The following PACC1 variants were observed in gnomAD, a reference collection of about 807,000 sequenced individuals.
PACC1 encodes the protein proton activated chloride channel 1.
Under a neutral mutation model 39.7 loss-of-function variants are expected in PACC1, and 34 were observed. The ratio of observed to expected loss-of-function variants is 0.86; its 90% CI spans 0.65 to 1.14. PACC1 has a LOEUF of 1.14. PACC1 is among the 50% of genes most tolerant of loss of function. The pLI, the probability that PACC1 is intolerant of heterozygous loss-of-function variation, is 0.00. For synonymous variants in PACC1, 127 were observed against 160.6 expected, an observed-to-expected ratio of 0.79 and a Z score of 1.58; for missense variants, 379 against 436.4, an observed-to-expected ratio of 0.87 and a Z score of 1.17.
intron 4 of PACC1, among the ~76,000 whole-genome samples, chr1:212,382,693 A>G (rs1558170212): frequency 6.6e-6 from 1 of 152,236 alleles, no homozygotes; most frequent in South Asian, 2.1e-4. Context: ...GCAGGTAAGA[A>G]GCCGCCCTCC....
At chr1:212,407,586 C>T (rs939084970) in intron 2 of PACC1, among the ~76,000 whole-genome samples, 1 of 152,234 alleles carries the variant, frequency 6.6e-6, no homozygotes, top group African/African-American at 2.4e-5. Flanking sequence ...AGCCGTGCTA[C>T]TATCTTTTAC....
chr1:212,410,526 A>C lies in PACC1; in HGVS notation c.37-5T>G, dbSNP rs1318895170. The C allele has an allele frequency of 6.2e-7, 1 of 1,613,862 alleles. No individual in the cohort carries two copies. Among genetic ancestry groups the C allele is most frequent in the Non-Finnish European group, 8.5e-7 (1 of 1,179,732 alleles). The stretch of plus-strand genomic sequence containing the variant: ...CTGGACCAACTCCTCACTCAGCTAA[A>C]GGGAGAAGCAAAGAGAGCAAAGACA... On this transcript the variant is annotated splice_region_variant and splice_polypyrimidine_tract_variant and intron_variant, in intron 1 of 7. Transcript: ENST00000261455.
At chr1:212,366,341 G>A (rs1048479928) in intron 7 of PACC1, among the ~76,000 whole-genome samples, 3 of 126,240 alleles carry the variant, frequency 2.4e-5, no homozygotes, top group African/African-American at 3.2e-5. Context: ...TCTCACTGTC[G>A]CCAGGCTGGA....
At chr1:212,404,812 A>G (rs1238494541) in intron 2 of PACC1, among the ~76,000 whole-genome samples, 1 of 151,048 alleles carries the variant, frequency 6.6e-6, no homozygotes, top group African/African-American at 2.4e-5. Context: ...TCTATCACCC[A>G]GTCTGGAGTG....
intron 6 of PACC1, 95 bp from the exon 7 acceptor site, chr1:212,375,395 A>G: frequency 1.2e-6 from 1 of 845,670 alleles, no homozygotes; most frequent in South Asian, 1.5e-5. Context: ...AGGGGATCAT[A>G]GTCTGTGGTT....
chr1:212,367,174 A>T (rs1660276270), intron 7 of PACC1, among the ~76,000 whole-genome samples: 1 of 151,952 alleles, frequency 6.6e-6, no homozygotes, highest in Non-Finnish European at 1.5e-5. Flanking sequence ...GCAACACCAA[A>T]CTCAGCTATC....
At chr1:212,380,687 G>A (rs954053107) in intron 4 of PACC1, among the ~76,000 whole-genome samples, 1 of 151,998 alleles carries the variant, frequency 6.6e-6, no homozygotes, top group Non-Finnish European at 1.5e-5. Context: ...CAATATCTAT[G>A]TCTGCTTCTG....
At chr1:212,381,697 A>ACG (rs1033580839) in intron 4 of PACC1, among the ~76,000 whole-genome samples, 1 of 30,500 alleles carries the variant, frequency 3.3e-5, no homozygotes, top group Admixed American at 2.4e-4. Context: ...CACACACTGC[A>ACG]CACACACACA....
chr1:212,401,404 T>A (rs1661705676), intron 2 of PACC1, among the ~76,000 whole-genome samples: 1 of 152,064 alleles, frequency 6.6e-6, no homozygotes, highest in South Asian at 2.1e-4. Context: ...GGTGGGAGGA[T>A]CACCTGAGGT....
chr1:212,395,049 C>T (rs1661463474), intron 2 of PACC1, among the ~76,000 whole-genome samples: 1 of 152,184 alleles, frequency 6.6e-6, no homozygotes, highest in Non-Finnish European at 1.5e-5. Context: ...CCCCATCAAG[C>T]TACCAATGAC....
chr1:212,376,407 A>C (rs746128131), intron 6 of PACC1, among the ~76,000 whole-genome samples: 7 of 152,218 alleles, frequency 4.6e-5, no homozygotes, highest in Non-Finnish European at 8.8e-5. Flanking sequence ...AGATGCTAAA[A>C]TTTCTTTAAT....
chr1:212,397,286 A>G (rs1349056416), intron 2 of PACC1, among the ~76,000 whole-genome samples: 1 of 152,234 alleles, frequency 6.6e-6, no homozygotes, highest in Non-Finnish European at 1.5e-5. Flanking sequence ...CCAGCAAGAC[A>G]AGTAGAAAAC....
chr1:212,413,895 G>A (rs761347500), intron 1 of PACC1: 12 of 1,532,560 alleles, frequency 7.8e-6, no homozygotes, highest in Middle Eastern at 1.9e-4. Context: ...GAGGAGGACC[G>A]ACCTGGAACT....
intron 2 of PACC1, among the ~76,000 whole-genome samples, chr1:212,390,453 T>C (rs991194546): frequency 3.4e-5 from 5 of 146,850 alleles, no homozygotes; most frequent in African/African-American, 7.7e-5. Context: ...AAAAAGACTA[T>C]TGATATTGGG....
chr1:212,413,650 G>A (rs753354189), intron 1 of PACC1, among the ~76,000 whole-genome samples: 1 of 152,198 alleles, frequency 6.6e-6, no homozygotes, highest in African/African-American at 2.4e-5. Flanking sequence ...TGGGTTAGGA[G>A]GTGGCAAAGG....
At chr1:212,409,959 G>A (rs988352916) in intron 2 of PACC1, among the ~76,000 whole-genome samples, 3 of 152,168 alleles carry the variant, frequency 2.0e-5, no homozygotes, top group Non-Finnish European at 2.9e-5. Flanking sequence ...GCGTGTATCC[G>A]GGCGGAAGAA....
Position 212,390,483 on chromosome 1 carries a change from G to T in PACC1, c.134-3383C>A, listed in dbSNP as rs150570638. 1.1e-3 allele frequency among the ~76,000 whole-genome samples: 164 copies of T among 151,660 alleles called. 1 individual carries two copies. The Middle Eastern group carries it at 0.014, about 13-fold the overall frequency. Reference sequence around the variant, plus strand: ...ATTGGGTTCTAAGATGGCTGAATAGGAACAGCTCCAGTCTACAGCTCCCAG... The same window carrying T: ...ATTGGGTTCTAAGATGGCTGAATAGTAACAGCTCCAGTCTACAGCTCCCAG... On this transcript the variant is annotated intron_variant, in intron 2 of 7. Coordinates refer to ENST00000261455, the MANE Select transcript of PACC1 (RefSeq NM_018252.3).
chr1:212,374,655 A>G (rs1237566211), intron 7 of PACC1, among the ~76,000 whole-genome samples: 1 of 152,240 alleles, frequency 6.6e-6, no homozygotes, highest in Admixed American at 6.5e-5. Context: ...TATTACATGT[A>G]CCACATAAAT....
intron 2 of PACC1, among the ~76,000 whole-genome samples, chr1:212,389,923 G>T (rs1376276737): frequency 6.6e-6 from 1 of 151,672 alleles, no homozygotes; most frequent in East Asian, 1.9e-4. Flanking sequence ...GATCTGACAA[G>T]AAATAAATGA....
Sources: gnomAD v4.1 joint callset for allele counts (sites outside exome capture counted in the v4.1 genomes callset) on GRCh38, gnomAD v4.1.1 for gene constraint, MANE v1.5 for transcripts, NCBI Gene and HGNC (gene_info 2026-07-23, HGNC 2026-07-21) for gene names.